The following ADAM20 variants were observed in gnomAD, a reference collection of about 807,000 sequenced individuals.
ADAM20 encodes ADAM metallopeptidase domain 20.
For missense variants in ADAM20, 871 were observed against 883.2 expected (o/e 0.99, Z 0.18); for synonymous variants, 305 against 310.2 (o/e 0.98, Z 0.18).
chr14:70,557,225 A>T, the ADAM20 span: 3 of 152,202 alleles, frequency 2.0e-5, no homozygotes, highest in Non-Finnish European at 4.4e-5. Flanking sequence ...GATACAGTTG[A>T]TATTGGGCAA....
At position 70,522,893 on chromosome 14, in the gene ADAM20, C is replaced by A; in HGVS notation, c.1865G>T (p.Arg622Leu). ...TVCGPEKICI[R>L]KKCASMVHLS... Reference sequence around the variant, plus strand: ...ATGAACCATACTGGCACACTTCTTACGGATGCAGATCTTTTCTGGACCACA... The same window carrying A: ...ATGAACCATACTGGCACACTTCTTAAGGATGCAGATCTTTTCTGGACCACA... The change falls in exon 2 of 2, where the codon CGT (arginine) becomes CTT (leucine). Residue 622 changes from arginine (R) to leucine (L), a missense_variant. Arg to Leu is a moderately radical substitution (Grantham distance 102). Transcript: ENST00000256389. The A allele has an allele frequency of 6.2e-7, 1 of 1,614,084 alleles. No homozygotes were observed. The highest frequency in any genetic ancestry group is 8.5e-7 in the Non-Finnish European group (1 of 1,179,962).
At position 70,523,980 on chromosome 14, in the gene ADAM20, A is replaced by G; in HGVS notation, c.778T>C (p.Trp260Arg). The G allele has an allele frequency of 6.2e-7, 1 of 1,614,028 alleles. No individual in the cohort carries two copies. The highest frequency in any genetic ancestry group is 1.1e-5 in the South Asian group (1 of 91,078). ...GTAGGAAGTGGATTTGATGCAGTCC[A>G]TATATCAATTCCAGTCAAAATTACA... ...VDVILTGIDI[W>R]TASNPLPTSG... The change falls in exon 2 of 2, where the codon TGG (tryptophan) becomes CGG (arginine). Residue 260 changes from tryptophan to arginine, a missense_variant. Transcript: ENST00000256389.
At chr14:70,549,975 C>A in the ADAM20 span, among the ~76,000 whole-genome samples, 1 of 48,460 alleles carries the variant, frequency 2.1e-5, no homozygotes, top group Non-Finnish European at 3.7e-5. Context: ...ACAGTGCAAT[C>A]AAACTAGAAC....
At position 70,523,866 on chromosome 14, in the gene ADAM20, G is replaced by T; in HGVS notation, c.892C>A (p.Leu298Ile). 6.2e-7 allele frequency: 1 copy of T among 1,613,926 alleles called. No individual in the cohort carries two copies. The highest frequency in any genetic ancestry group is 8.5e-7 in the Non-Finnish European group (1 of 1,179,926). The change falls in exon 2 of 2, where the codon CTT becomes ATT. Residue 298 changes from leucine to isoleucine, a missense_variant. Coordinates refer to ENST00000256389, the MANE Select transcript of ADAM20 (RefSeq NM_003814.5). Reference sequence around the variant, plus strand: ...ATGCCTTGTGTGTCTTTTATGAAAAGATGTGCAACATCATGTTGTAGTCGA... The same window carrying T: ...ATGCCTTGTGTGTCTTTTATGAAAATATGTGCAACATCATGTTGTAGTCGA... ...NNRLQHDVAH[L>I]FIKDTQGMKL...
At chr14:70,578,029 G>A in the ADAM20 span, among the ~76,000 whole-genome samples, 2 of 151,992 alleles carry the variant, frequency 1.3e-5, no homozygotes, top group East Asian at 1.9e-4. Context: ...TAAATTGGAC[G>A]TTAGAAAAAT....
At chr14:70,538,839 C>T (rs1369837749), upstream of ADAM20, among the ~76,000 whole-genome samples, 1 of 152,184 alleles carries the variant, frequency 6.6e-6, no homozygotes, top group Non-Finnish European at 1.5e-5. Flanking sequence ...TGCTCTGTCA[C>T]CAGGTTGGAG....
At chr14:70,553,309 T>TAAAA in the ADAM20 span, among the ~76,000 whole-genome samples, 159 of 17,210 alleles carry the variant, frequency 9.2e-3, no homozygotes, top group South Asian at 0.025. Context: ...TAGAGTATAA[T>TAAAA]AAAAAAAAAA....
upstream of ADAM20, among the ~76,000 whole-genome samples, chr14:70,537,335 T>G (rs1172951330): frequency 6.6e-6 from 1 of 152,214 alleles, no homozygotes; most frequent in Non-Finnish European, 1.5e-5. Context: ...GGTATTTCGC[T>G]TTCTCCTCTC....
At chr14:70,571,421 T>C in the ADAM20 span, among the ~76,000 whole-genome samples, 1 of 152,238 alleles carries the variant, frequency 6.6e-6, no homozygotes, top group Non-Finnish European at 1.5e-5. Flanking sequence ...TTCTCCTTCC[T>C]GCCATCATGT....
upstream of ADAM20, among the ~76,000 whole-genome samples, chr14:70,537,387 C>T (rs1403156066): frequency 3.3e-5 from 5 of 152,194 alleles, no homozygotes; most frequent in Non-Finnish European, 1.5e-5. Flanking sequence ...TTGTACAGCT[C>T]CAGTCCAAGA....
intron 1 of ADAM20, among the ~76,000 whole-genome samples, chr14:70,526,734 A>T (rs1883598713): frequency 6.6e-6 from 1 of 152,184 alleles, no homozygotes; most frequent in African/African-American, 2.4e-5. Context: ...GTGTATTCTG[A>T]AGGCCTTTCC....
At chr14:70,536,287 G>A (rs1883829845), upstream of ADAM20, among the ~76,000 whole-genome samples, 1 of 151,736 alleles carries the variant, frequency 6.6e-6, no homozygotes, top group Non-Finnish European at 1.5e-5. Flanking sequence ...CCAACATGGT[G>A]AAACCTTGTC....
At chr14:70,527,670 GAGGA>G (rs1316910091) in intron 1 of ADAM20, among the ~76,000 whole-genome samples, 1 of 152,128 alleles carries the variant, frequency 6.6e-6, no homozygotes, top group Non-Finnish European at 1.5e-5. Flanking sequence ...AGATCTCACA[GAGGA>G]TTAAGTTCTT....
At chr14:70,566,273 G>A in the ADAM20 span, among the ~76,000 whole-genome samples, 1 of 152,122 alleles carries the variant, frequency 6.6e-6, no homozygotes, top group Non-Finnish European at 1.5e-5. Flanking sequence ...CACAATTTAA[G>A]ATGTAAATTG....
the ADAM20 span, among the ~76,000 whole-genome samples, chr14:70,542,971 A>C: frequency 6.6e-6 from 1 of 152,098 alleles, no homozygotes; most frequent in Non-Finnish European, 1.5e-5. Context: ...GTAACAAATA[A>C]TTATTCTTGC....
the ADAM20 span, among the ~76,000 whole-genome samples, chr14:70,579,198 A>C: frequency 6.6e-6 from 1 of 152,084 alleles, no homozygotes; most frequent in Non-Finnish European, 1.5e-5. Flanking sequence ...TTGGTAGGAT[A>C]CCCAGTAATG....
chr14:70,546,001 A>G, the ADAM20 span, among the ~76,000 whole-genome samples: 6 of 152,214 alleles, frequency 3.9e-5, no homozygotes, highest in Non-Finnish European at 5.9e-5. Flanking sequence ...AACATCAAAT[A>G]TCTCCTCTGA....
chr14:70,573,557 A>G, the ADAM20 span, among the ~76,000 whole-genome samples: 1 of 152,042 alleles, frequency 6.6e-6, no homozygotes, highest in Non-Finnish European at 1.5e-5. Flanking sequence ...AACAAGCACC[A>G]CCTGAATTTA....
the ADAM20 span, among the ~76,000 whole-genome samples, chr14:70,573,032 C>A: frequency 1.2e-4 from 18 of 152,092 alleles, no homozygotes; most frequent in Non-Finnish European, 2.4e-4. Context: ...ATGGAGAATT[C>A]TCAAAGAACT....
Sources: allele counts gnomAD v4.1 joint callset (sites outside exome capture counted in the v4.1 genomes callset), GRCh38; gene constraint gnomAD v4.1.1; transcripts MANE v1.5; gene names NCBI Gene and HGNC (gene_info 2026-07-23, HGNC 2026-07-21).